Variants in CORIN observed in about 807,000 individuals in gnomAD.
CORIN encodes the protein atrial natriuretic peptide-converting enzyme.
Under a neutral mutation model 125.3 loss-of-function variants are expected in CORIN, and 117 were observed. That is an observed-to-expected ratio of 0.93 (90% CI 0.80 to 1.09). The LOEUF is 1.09. CORIN is among the 50% of genes least tolerant of loss of function. CORIN has a pLI of 0.00. For synonymous variants in CORIN, 450 were observed against 466.4 expected (o/e 0.96, Z 0.45); for missense variants, 1,253 against 1,306.7 (o/e 0.96, Z 0.63).
chr4:47,796,297 T>C (rs1392648522), intron 2 of CORIN, among the ~76,000 whole-genome samples: 1 of 151,998 alleles, frequency 6.6e-6, no homozygotes, highest in Admixed American at 6.6e-5. Flanking sequence ...GAAAATCTTA[T>C]CACTTGTGGC....
At chr4:47,647,924 C>A (rs557196561) in intron 13 of CORIN, among the ~76,000 whole-genome samples, 1 of 152,304 alleles carries the variant, frequency 6.6e-6, no homozygotes, top group East Asian at 1.9e-4. Flanking sequence ...ATGCCTGCTT[C>A]ATAGGGTTGC....
chr4:47,783,228 C>G (rs1315706384), intron 3 of CORIN, among the ~76,000 whole-genome samples: 1 of 151,284 alleles, frequency 6.6e-6, no homozygotes, highest in Non-Finnish European at 1.5e-5. Flanking sequence ...AAATAAAAAC[C>G]CAGATATAGA....
chr4:47,694,427 CCTT>C (rs1311596233), intron 5 of CORIN, among the ~76,000 whole-genome samples: 2 of 151,930 alleles, frequency 1.3e-5, no homozygotes, highest in Non-Finnish European at 2.9e-5. Context: ...TCAAAAATCT[CCTT>C]CTGTCTCTCT....
intron 16 of CORIN, among the ~76,000 whole-genome samples, chr4:47,638,809 G>GC (rs1342366178): frequency 2.0e-5 from 3 of 152,168 alleles, no homozygotes; most frequent in African/African-American, 7.2e-5. Context: ...TAATCAGAGA[G>GC]CCATCATACT....
At chr4:47,607,168 T>C (rs774324603) in intron 19 of CORIN, among the ~76,000 whole-genome samples, 1 of 152,152 alleles carries the variant, frequency 6.6e-6, no homozygotes, top group Non-Finnish European at 1.5e-5. Context: ...CTACTGGCCT[T>C]ATGGTATAGA....
chr4:47,800,927 C>T (rs548286102), intron 2 of CORIN, among the ~76,000 whole-genome samples: 167 of 152,296 alleles, frequency 1.1e-3, no homozygotes, highest in African/African-American at 3.9e-3. Flanking sequence ...CCCTCAGCTT[C>T]TGCTTAATGC....
In CORIN at chr4:47,625,832, A is replaced by T. The variant is rs550714873; in HGVS notation, c.2315+573T>A. On this transcript the variant is annotated intron_variant, in intron 17 of 21. Transcript: ENST00000273857. ...GTTTAAACGAGTCAGTGTATATAAG[A>T]TTACCTAGCTGTGTGCCTATAAAGT... Among the ~76,000 whole-genome samples, 8 of 152,284 alleles carry T rather than the reference A, an allele frequency of 5.3e-5. No homozygotes were observed. The South Asian group carries it at 1.7e-3, about 32-fold the overall frequency.
chr4:47,711,321 C>T (rs971667986), intron 5 of CORIN, among the ~76,000 whole-genome samples: 4 of 152,234 alleles, frequency 2.6e-5, no homozygotes, highest in Non-Finnish European at 4.4e-5. Context: ...TTTAAGATGC[C>T]TCCATGTACC....
intron 2 of CORIN, among the ~76,000 whole-genome samples, chr4:47,805,318 A>G (rs1207495855): frequency 2.6e-5 from 4 of 152,000 alleles, no homozygotes; most frequent in Non-Finnish European, 5.9e-5. Context: ...CATACCTCAT[A>G]AATATATACA....
intron 4 of CORIN, among the ~76,000 whole-genome samples, chr4:47,760,595 G>A (rs184315417): frequency 9.5e-4 from 144 of 152,222 alleles, no homozygotes; most frequent in Admixed American, 3.3e-3. Flanking sequence ...ACTTGTTAAC[G>A]GCCTTAGGAT....
chr4:47,832,106 G>A (rs77595217), intron 1 of CORIN, among the ~76,000 whole-genome samples: 281 of 152,284 alleles, frequency 1.8e-3, no homozygotes, highest in African/African-American at 6.0e-3. Flanking sequence ...TACATATGGA[G>A]GGAGAAGAGC....
chr4:47,837,036 G>T (rs1019591946), intron 1 of CORIN, among the ~76,000 whole-genome samples: 1 of 152,226 alleles, frequency 6.6e-6, no homozygotes, highest in Non-Finnish European at 1.5e-5. Context: ...GGCCAGTAGG[G>T]ACTGTCCGTG....
chr4:47,786,909 G>C lies in CORIN; in HGVS notation c.225C>G (p.Val75=). ...LLSYVGTLQK[V]YFKSNGSEPL... is the part of the protein sequence containing the mutation. ...GTTCACTCCCATTTGATTTAAAATA[G>C]ACCTTTTGTAATGTTCCTGAAAGAC... Residue 75 remains valine (V), a synonymous_variant, in exon 3 of 22, where the codon GTC becomes GTG. Transcript: ENST00000273857. 2 of 1,611,968 alleles carry C rather than the reference G, an allele frequency of 1.2e-6. No individual in the cohort carries two copies. Among genetic ancestry groups the C allele is most frequent in the Non-Finnish European group, 1.7e-6 (2 of 1,178,262 alleles).
Position 47,623,880 on chromosome 4 carries a change from A to G in CORIN, c.2365+19T>C, listed in dbSNP as rs1399086628. The G allele has an allele frequency of 5.0e-6, 8 of 1,612,162 alleles. No individual in the cohort carries two copies. Among genetic ancestry groups the G allele is most frequent in the African/African-American group, 2.7e-5 (2 of 74,892 alleles). ...TCAATTAAGTTCATATCCCATTGCC[A>G]CACCTCTAATTCTCTCACCTTGTTT... On this transcript the variant is annotated intron_variant, in intron 18 of 21. Transcript: ENST00000273857.
chr4:47,730,249 C>T (rs1027628295), intron 5 of CORIN, among the ~76,000 whole-genome samples: 1 of 151,878 alleles, frequency 6.6e-6, no homozygotes, highest in African/African-American at 2.4e-5. Flanking sequence ...CTGAGGCAGG[C>T]GGATCACGAG....
chr4:47,645,315 C>T, intron 13 of CORIN, 121 bp from the exon 14 acceptor site: 1 of 570,518 alleles, frequency 1.8e-6, no homozygotes, highest in Admixed American at 3.0e-5. Flanking sequence ...GTGGCTCATG[C>T]CTGTAATCCC....
chr4:47,693,388 A>G (rs578106028), intron 5 of CORIN, among the ~76,000 whole-genome samples: 1 of 152,192 alleles, frequency 6.6e-6, no homozygotes, highest in Non-Finnish European at 1.5e-5. Context: ...TGCACAATTT[A>G]TGTGGGGAGA....
intron 5 of CORIN, among the ~76,000 whole-genome samples, chr4:47,700,904 T>A (rs1045166517): frequency 6.6e-6 from 1 of 152,248 alleles, no homozygotes; most frequent in Non-Finnish European, 1.5e-5. Flanking sequence ...CAATGCTGCT[T>A]TCCCTTTCCG....
chr4:47,624,800 A>G (rs1028144850), intron 17 of CORIN, among the ~76,000 whole-genome samples: 1 of 152,136 alleles, frequency 6.6e-6, no homozygotes, highest in African/African-American at 2.4e-5. Context: ...CTCAATGTAA[A>G]TGAAAAAGGA....
Sources: gnomAD v4.1 joint callset for allele counts (sites outside exome capture counted in the v4.1 genomes callset) on GRCh38, gnomAD v4.1.1 for gene constraint, MANE v1.5 for transcripts, NCBI Gene and HGNC (gene_info 2026-07-23, HGNC 2026-07-21) for gene names.